The following CELF2 variants were observed in gnomAD, a reference collection of about 807,000 sequenced individuals.
The protein encoded by CELF2 is CUG triplet repeat RNA-binding protein 2.
In CELF2, 8 loss-of-function variants were observed where a neutral mutation model predicts 62.6. The ratio of observed to expected loss-of-function variants is 0.13; its 90% CI spans 0.07 to 0.23. The LOEUF (loss-of-function observed/expected upper bound fraction) is 0.23. CELF2 is among the 10% of genes least tolerant of loss of function. The probability of loss-of-function intolerance (pLI) is 1.00; values close to 1 mark genes in which losing one functional copy is unlikely to be tolerated. For missense variants in CELF2, 333 were observed against 671.0 expected (o/e 0.50, Z 5.56); for synonymous variants, 258 against 250.0 (o/e 1.03, Z -0.30).
intron 1 of CELF2, among the ~76,000 whole-genome samples, chr10:10,918,997 G>A (rs1474673115): frequency 6.6e-6 from 1 of 152,102 alleles, no homozygotes; most frequent in Non-Finnish European, 1.5e-5. Context: ...TGGGCCAGGT[G>A]CGGTGGCTCA....
In CELF2 at chr10:11,290,334, G is replaced by C. The variant is rs1337187306; in HGVS notation, c.976+1782G>C. 1.3e-5 allele frequency among the ~76,000 whole-genome samples: 2 copies of C among 152,174 alleles called. No homozygotes were observed. The highest frequency in any genetic ancestry group is 2.9e-5 in the Non-Finnish European group (2 of 68,028). On this transcript the variant is annotated intron_variant, in intron 9 of 12. Transcript: ENST00000633077. This position sits in a 1 kb window ranked among gnomAD's most constrained non-coding sequence, Gnocchi z 4.3. ...CAGAGACCTGAGTTCCGTGACGGAA[G>C]CCATGGCGCGTGTTGAGGCAGAGGA...
chr10:10,955,447 A>G (rs2048786345), intron 2 of CELF2, among the ~76,000 whole-genome samples: 1 of 152,200 alleles, frequency 6.6e-6, no homozygotes, highest in African/African-American at 2.4e-5. Context: ...GCTTTTGCAT[A>G]TGGTTATCTC....
rs1403277685 is a variant in CELF2 at position 11,075,296 on chromosome 10, C to T, written c.74+57133C>T. 6.6e-6 allele frequency: 1 copy of T among 152,146 alleles called. No homozygotes were observed. The highest frequency in any genetic ancestry group is 1.9e-4 in the East Asian group (1 of 5,194). 9.4% of individuals were successfully genotyped at this position (152,146 alleles called of 1,614,324 possible). On this transcript the variant is annotated intron_variant, in intron 1 of 12. Coordinates refer to ENST00000633077, the MANE Select transcript of CELF2 (RefSeq NM_001326342.2). This position sits in a 1 kb window ranked among gnomAD's most constrained non-coding sequence, Gnocchi z 5.4. Reference sequence around the variant, plus strand: ...TTTACTAAATAGCAAAAGCATAATGCCCTTTCAGCATTCCTCTTCTCTCCC... The same window carrying T: ...TTTACTAAATAGCAAAAGCATAATGTCCTTTCAGCATTCCTCTTCTCTCCC...
chr10:10,868,779 A>G (rs1040960020), intron 1 of CELF2, among the ~76,000 whole-genome samples: 4 of 152,226 alleles, frequency 2.6e-5, no homozygotes, highest in African/African-American at 7.2e-5. Flanking sequence ...ATCATTTGTG[A>G]TATGTATACT....
chr10:10,864,881 C>T (rs1389450357), intron 1 of CELF2, among the ~76,000 whole-genome samples: 1 of 152,062 alleles, frequency 6.6e-6, no homozygotes, highest in African/African-American at 2.4e-5. Context: ...ACTTCTTGTC[C>T]CCAGATACTA....
At chr10:10,544,917 G>A in the CELF2 span, among the ~76,000 whole-genome samples, 1 of 152,154 alleles carries the variant, frequency 6.6e-6, no homozygotes, top group Admixed American at 6.5e-5. Flanking sequence ...GTCTTTCTGG[G>A]ACCCTTGAAG....
Position 10,816,572 on chromosome 10 carries a change from C to T in CELF2, c.53+17755C>T, listed in dbSNP as rs541758588. On this transcript the variant is annotated intron_variant, in intron 1 of 13. Coordinates refer to the CELF2 transcript ENST00000636488. ...AGAGCTGTAAGAAGAAAGAGGAATA[C>T]GTGGAAAATTAAATGTCCAGTTAAC... Among the ~76,000 whole-genome samples the T allele has an allele frequency of 1.7e-4, 26 of 152,248 alleles. No individual in the cohort carries two copies. The East Asian group carries it at 1.7e-3, about 10-fold the overall frequency.
At chr10:10,553,101 G>A in the CELF2 span, among the ~76,000 whole-genome samples, 2 of 152,162 alleles carry the variant, frequency 1.3e-5, no homozygotes, top group African/African-American at 2.4e-5. Flanking sequence ...TTGACTCACC[G>A]TTCTGCAGGG....
In CELF2 at chr10:11,285,842, T is replaced by G. The variant is rs2091087402; in HGVS notation, c.842-2576T>G. Reference sequence around the variant, plus strand: ...ATATATATTGGTGTGTGTGTGTGTGTGTGTGTGTGTGTGTGTGTGTGTGTG... The same window carrying G: ...ATATATATTGGTGTGTGTGTGTGTGGGTGTGTGTGTGTGTGTGTGTGTGTG... On this transcript the variant is annotated intron_variant, in intron 8 of 12. Coordinates refer to ENST00000633077, the MANE Select transcript of CELF2 (RefSeq NM_001326342.2). The surrounding 1 kb of genome is among the most constrained non-coding windows in gnomAD (Gnocchi z 4.3). Among the ~76,000 whole-genome samples, 3 of 130,374 alleles carry G rather than the reference T, an allele frequency of 2.3e-5. No homozygotes were observed. Among genetic ancestry groups the G allele is most frequent in the African/African-American group, 1.1e-4 (3 of 27,140 alleles). 85.5% of individuals were successfully genotyped at this position (130,374 alleles called of 152,430 possible).
chr10:10,875,265 A>C (rs1426453479), intron 1 of CELF2, among the ~76,000 whole-genome samples: 1 of 152,244 alleles, frequency 6.6e-6, no homozygotes, highest in East Asian at 1.9e-4. Flanking sequence ...AATACAAAAT[A>C]AAATCATTCT....
chr10:11,294,483 TC>T (rs1433859608), intron 9 of CELF2, among the ~76,000 whole-genome samples: 4 of 152,188 alleles, frequency 2.6e-5, no homozygotes, highest in African/African-American at 9.7e-5. Flanking sequence ...CTTACACCCA[TC>T]TTTTGTCATT....
intron 3 of CELF2, among the ~76,000 whole-genome samples, chr10:11,230,800 C>T (rs147429151): frequency 1.2e-4 from 18 of 152,274 alleles, no homozygotes; most frequent in African/African-American, 4.1e-4. Context: ...CTGGCCAGAA[C>T]AAGCTAATTC....
chr10:10,753,374 G>A, the CELF2 span, among the ~76,000 whole-genome samples: 12 of 151,922 alleles, frequency 7.9e-5, no homozygotes, highest in African/African-American at 1.9e-4. Flanking sequence ...CTATTTGTGC[G>A]TGTGTGTAAC....
intron 9 of CELF2, among the ~76,000 whole-genome samples, chr10:11,303,855 C>T (rs2093982065): frequency 6.6e-6 from 1 of 152,188 alleles, no homozygotes; most frequent in Admixed American, 6.5e-5. Context: ...CTGGCTCTGC[C>T]ACTGAGAGTT....
rs1349562071 is a variant in CELF2 at position 11,319,099 on chromosome 10, C to T, written c.1097-2090C>T. 3 of 469,808 alleles carry T rather than the reference C, an allele frequency of 6.4e-6. No homozygotes were observed. The highest frequency in any genetic ancestry group is 6.9e-5 in the East Asian group (1 of 14,410). 29.1% of individuals were successfully genotyped at this position (469,808 alleles called of 1,614,324 possible). A position where few individuals can be genotyped will look rare whatever the true frequency, so the allele number is the denominator to read the frequency against. Reference sequence around the variant, plus strand: ...CTCATGCCTTGAGATCCAAGCAGAGCGGCGAGTCGCCGCTCCTCTCCCGCC... The same window carrying T: ...CTCATGCCTTGAGATCCAAGCAGAGTGGCGAGTCGCCGCTCCTCTCCCGCC... On this transcript the variant is annotated intron_variant, in intron 10 of 12. Coordinates refer to ENST00000633077, the MANE Select transcript of CELF2 (RefSeq NM_001326342.2). This position sits in a 1 kb window ranked among gnomAD's most constrained non-coding sequence, Gnocchi z 4.4.
chr10:10,526,015 C>G, the CELF2 span, among the ~76,000 whole-genome samples: 1 of 152,196 alleles, frequency 6.6e-6, no homozygotes, highest in Non-Finnish European at 1.5e-5. Context: ...GCCATTCTAA[C>G]GGGTGCGAGG....
chr10:10,833,400 A>G (rs943483664), intron 1 of CELF2, among the ~76,000 whole-genome samples: 1 of 152,218 alleles, frequency 6.6e-6, no homozygotes, highest in Non-Finnish European at 1.5e-5. Flanking sequence ...TCCGTAGCAC[A>G]CAGCAACTGG....
At chr10:10,914,424 G>T (rs529430854) in intron 1 of CELF2, among the ~76,000 whole-genome samples, 1 of 152,262 alleles carries the variant, frequency 6.6e-6, no homozygotes, top group Admixed American at 6.5e-5. Context: ...ATAAAAGCTG[G>T]CATCACGCTT....
intron 2 of CELF2, among the ~76,000 whole-genome samples, chr10:10,952,544 T>G (rs1297525017): frequency 6.6e-6 from 1 of 152,218 alleles, no homozygotes; most frequent in Non-Finnish European, 1.5e-5. Context: ...GAGAGTAGCT[T>G]TTCCTGGCAA....
Sources: gnomAD v4.1 joint callset for allele counts (sites outside exome capture counted in the v4.1 genomes callset) on GRCh38, gnomAD v4.1.1 for gene constraint, Gnocchi (gnomAD v3.1) non-coding constraint, MANE v1.5 for transcripts, NCBI Gene and HGNC (gene_info 2026-07-23, HGNC 2026-07-21) for gene names.